SPMIP2: variants seen among roughly 807,000 people sequenced by gnomAD.
The protein encoded by SPMIP2 is sperm microtubule inner protein 2.
At chr4:159,005,195 C>A in the SPMIP2 span, among the ~76,000 whole-genome samples, 9 of 133,498 alleles carry the variant, frequency 6.7e-5, no homozygotes, top group South Asian at 9.4e-4. Context: ...GCACTCCAGC[C>A]TGGGTGACAG....
chr4:158,915,368 G>C, the SPMIP2 span: 2 of 1,598,040 alleles, frequency 1.3e-6, no homozygotes, highest in Non-Finnish European at 1.7e-6. Context: ...GCCTGGAATA[G>C]GAACAAATTG....
chr4:159,007,660 C>A, the SPMIP2 span: 1 of 755,582 alleles, frequency 1.3e-6, no homozygotes, highest in Admixed American at 1.8e-5. Context: ...TCCAAGGAGA[C>A]TCATGTAATG....
chr4:158,897,569 G>T, the SPMIP2 span, among the ~76,000 whole-genome samples: 1 of 152,152 alleles, frequency 6.6e-6, no homozygotes, highest in African/African-American at 2.4e-5. Context: ...TTGTGGTTTT[G>T]ATTTGCATTT....
At chr4:158,961,860 A>G in the SPMIP2 span, among the ~76,000 whole-genome samples, 10 of 152,090 alleles carry the variant, frequency 6.6e-5, no homozygotes, top group African/African-American at 1.9e-4. Flanking sequence ...GTAGTGTTAA[A>G]CCTAATAAAA....
chr4:158,932,638 G>T, the SPMIP2 span, among the ~76,000 whole-genome samples: 1 of 152,120 alleles, frequency 6.6e-6, no homozygotes, highest in African/African-American at 2.4e-5. Flanking sequence ...TTTGGCAAAT[G>T]TCCATGGGGT....
At chr4:159,005,413 C>A in the SPMIP2 span, among the ~76,000 whole-genome samples, 10 of 152,202 alleles carry the variant, frequency 6.6e-5, no homozygotes, top group African/African-American at 2.2e-4. Context: ...CATTGCACCG[C>A]AGCCTGGGCA....
the SPMIP2 span, among the ~76,000 whole-genome samples, chr4:158,939,685 A>G: frequency 1.3e-5 from 2 of 152,012 alleles, no homozygotes; most frequent in East Asian, 1.9e-4. Context: ...TTATTTGTTG[A>G]AAAAAACTGG....
chr4:159,059,694 G>T, the SPMIP2 span, among the ~76,000 whole-genome samples: 1 of 152,162 alleles, frequency 6.6e-6, no homozygotes, highest in Non-Finnish European at 1.5e-5. Flanking sequence ...TAAAATGCAG[G>T]TGAGTTTTGT....
the SPMIP2 span, among the ~76,000 whole-genome samples, chr4:158,910,990 G>T: frequency 6.6e-6 from 1 of 152,184 alleles, no homozygotes; most frequent in Non-Finnish European, 1.5e-5. Context: ...AAATGGAGTT[G>T]AGTAGGATCA....
At chr4:159,082,505 A>T in the SPMIP2 span, among the ~76,000 whole-genome samples, 3 of 129,164 alleles carry the variant, frequency 2.3e-5, no homozygotes, top group African/African-American at 8.6e-5. Context: ...TTTGAACCTG[A>T]AAGGCAGAAG....
chr4:158,895,917 T>C, the SPMIP2 span: 206 of 1,307,474 alleles, frequency 1.6e-4, 1 homozygote, highest in African/African-American at 2.3e-3. Context: ...ATCCCTAGCA[T>C]TGTACCCACT....
At chr4:158,975,374 A>G in the SPMIP2 span, among the ~76,000 whole-genome samples, 1 of 152,160 alleles carries the variant, frequency 6.6e-6, no homozygotes, top group African/African-American at 2.4e-5. Flanking sequence ...ATATTTGCCC[A>G]TGCCTATGTC....
At chr4:158,893,852 G>A in the SPMIP2 span, 27 of 592,238 alleles carry the variant, frequency 4.6e-5, no homozygotes, top group African/African-American at 4.3e-4. Context: ...AATTGTTATA[G>A]TTAATTCTTT....
the SPMIP2 span, among the ~76,000 whole-genome samples, chr4:158,931,048 G>T: frequency 6.6e-6 from 1 of 151,698 alleles, no homozygotes; most frequent in Non-Finnish European, 1.5e-5. Flanking sequence ...TTACCATTTT[G>T]CTATGTTGGC....
chr4:158,967,745 T>C, the SPMIP2 span, among the ~76,000 whole-genome samples: 4 of 152,134 alleles, frequency 2.6e-5, no homozygotes, highest in Non-Finnish European at 5.9e-5. Flanking sequence ...GAAATATGTA[T>C]TTTGGTGGTC....
the SPMIP2 span, among the ~76,000 whole-genome samples, chr4:158,914,040 GA>G: frequency 6.6e-6 from 1 of 151,390 alleles, no homozygotes; most frequent in East Asian, 1.9e-4. Context: ...ATCAAAATAA[GA>G]AGTCTTTTAA....
At chr4:159,032,267 A>G in the SPMIP2 span, among the ~76,000 whole-genome samples, 2 of 152,164 alleles carry the variant, frequency 1.3e-5, no homozygotes, top group South Asian at 4.1e-4. Context: ...TGTTCATAGT[A>G]TATACAATTC....
At chr4:158,976,659 AT>A in the SPMIP2 span, among the ~76,000 whole-genome samples, 356 of 94,660 alleles carry the variant, frequency 3.8e-3, 2 homozygotes, top group African/African-American at 0.016. Context: ...ATGGATAAGC[AT>A]TTTTTTTTTT....
chr4:159,062,254 A>G, the SPMIP2 span, among the ~76,000 whole-genome samples: 1 of 152,242 alleles, frequency 6.6e-6, no homozygotes, highest in Non-Finnish European at 1.5e-5. Context: ...CAGGCTGCCT[A>G]GAAAGCAAGG....
Sources: gnomAD v4.1 joint callset for allele counts (sites outside exome capture counted in the v4.1 genomes callset) on GRCh38, gnomAD v4.1.1 for gene constraint, MANE v1.5 for transcripts, NCBI Gene and HGNC (gene_info 2026-07-23, HGNC 2026-07-21) for gene names.